The following HBS1L variants were observed in gnomAD, a reference collection of about 807,000 sequenced individuals.
HBS1L encodes HBS1-like protein.
In HBS1L, 55 loss-of-function variants were observed where a neutral mutation model predicts 88.9. That is an observed-to-expected ratio of 0.62 (90% confidence interval 0.50 to 0.77). The LOEUF (loss-of-function observed/expected upper bound fraction) is 0.77. HBS1L is among the 30% of genes least tolerant of loss of function. HBS1L has a pLI of 0.00. For synonymous variants in HBS1L, 267 were observed against 288.5 expected (o/e 0.93, Z 0.76); for missense variants, 741 against 829.3 (o/e 0.89, Z 1.31).
At chr6:134,966,048 C>A (rs941724776) in intron 17 of HBS1L, among the ~76,000 whole-genome samples, 42 of 152,028 alleles carry the variant, frequency 2.8e-4, no homozygotes, top group African/African-American at 8.0e-4. Context: ...TCATTTCTGG[C>A]TGTTTTCTCC....
chr6:135,052,373 G>T (rs1383040597), intron 1 of HBS1L, among the ~76,000 whole-genome samples: 1 of 151,976 alleles, frequency 6.6e-6, no homozygotes, highest in Non-Finnish European at 1.5e-5. Context: ...GAGGAGGGAG[G>T]ATCTCGCTTG....
At chr6:135,038,198 A>C (rs1168634621) in intron 4 of HBS1L, among the ~76,000 whole-genome samples, 1 of 152,184 alleles carries the variant, frequency 6.6e-6, no homozygotes, top group Non-Finnish European at 1.5e-5. Context: ...TACTCTAAAA[A>C]ACAATAAGGG....
intron 4 of HBS1L, among the ~76,000 whole-genome samples, chr6:135,010,727 G>A (rs1309434576): frequency 6.6e-6 from 1 of 152,030 alleles, no homozygotes; most frequent in Admixed American, 6.6e-5. Context: ...ACTATTTTGG[G>A]GGGGAAAATG....
intron 4 of HBS1L, among the ~76,000 whole-genome samples, chr6:135,034,409 C>T (rs1454250701): frequency 6.6e-6 from 1 of 152,112 alleles, no homozygotes; most frequent in Non-Finnish European, 1.5e-5. Context: ...TTCGGGAGGC[C>T]GAGGTGGGCG....
chr6:134,997,055 G>C, intron 6 of HBS1L, 113 bp from the exon 7 acceptor site: 1 of 777,162 alleles, frequency 1.3e-6, no homozygotes, highest in Admixed American at 2.5e-5. Context: ...AGTAATACCA[G>C]TATTTATCAA....
At chr6:135,028,083 G>A (rs1233056276) in intron 4 of HBS1L, among the ~76,000 whole-genome samples, 1 of 151,812 alleles carries the variant, frequency 6.6e-6, no homozygotes, top group South Asian at 2.1e-4. Context: ...CTTTTAAGAT[G>A]AATTAAAAAT....
In HBS1L at chr6:135,043,219, AC is replaced by A. The variant is rs1343513215; in HGVS notation, c.110-1094del. On this transcript the variant is annotated intron_variant, in intron 2 of 17. Transcript: ENST00000367837. ...ATGGCCACTGAACTGAATCCTGGAC[AC>A]TGTGTTCAATTGTAAAGGAACAAAA... is the stretch of plus-strand genomic sequence containing the variant. Among the ~76,000 whole-genome samples the A allele has an allele frequency of 2.6e-5, 4 of 152,246 alleles. No homozygotes were observed. The East Asian group carries it at 7.7e-4, about 29-fold the overall frequency.
intron 8 of HBS1L, among the ~76,000 whole-genome samples, chr6:134,990,252 G>T (rs1307282299): frequency 6.6e-6 from 1 of 152,118 alleles, no homozygotes; most frequent in Non-Finnish European, 1.5e-5. Context: ...GAGTCCAAAT[G>T]CCTACTACGC....
At chr6:135,003,040 T>C (rs1032211123) in intron 4 of HBS1L, among the ~76,000 whole-genome samples, 198 bp from the exon 5 acceptor site, 2 of 152,220 alleles carry the variant, frequency 1.3e-5, no homozygotes, top group Admixed American at 6.5e-5. Flanking sequence ...AAATCCCCTA[T>C]TGTCAGGACT....
chr6:135,050,523 C>G (rs963755246), intron 2 of HBS1L, 59 bp downstream of exon 2: 11 of 1,143,524 alleles, frequency 9.6e-6, no homozygotes, highest in South Asian at 4.1e-5. Flanking sequence ...CCTTGAACGA[C>G]TAACATTTAC....
Position 135,050,718 on chromosome 6 carries a change from C to A in HBS1L, c.44-71G>T, listed in dbSNP as rs1777055642. 81 of 885,904 alleles carry A rather than the reference C, an allele frequency of 9.1e-5. 1 individual carries two copies. In the South Asian group the frequency reaches 1.3e-3, roughly 14 times the overall value. 54.9% of individuals were successfully genotyped at this position (885,904 alleles called of 1,614,324 possible). The stretch of plus-strand genomic sequence containing the variant: ...ATATTCTTAGTTACTAGTGAGGAAG[C>A]ATCTGAATCCTCTCCAAAATAAACT... On this transcript the variant is annotated intron_variant, in intron 1 of 17. Coordinates refer to ENST00000367837, the MANE Select transcript of HBS1L (RefSeq NM_006620.4).
intron 4 of HBS1L, among the ~76,000 whole-genome samples, chr6:135,016,662 TC>T (rs1562298308): frequency 6.6e-6 from 1 of 152,212 alleles, no homozygotes; most frequent in Non-Finnish European, 1.5e-5. Flanking sequence ...TTGCATATTC[TC>T]ATGTAGCATA....
At chr6:134,979,429 C>T (rs756591207) in intron 13 of HBS1L, 161 bp from the exon 14 acceptor site, 18 of 600,536 alleles carry the variant, frequency 3.0e-5, no homozygotes, top group Admixed American at 4.9e-5. Context: ...TTGAGGAAAA[C>T]ACACTTCCTC....
chr6:135,040,720 G>A (rs150330601), intron 3 of HBS1L, among the ~76,000 whole-genome samples: 353 of 152,176 alleles, frequency 2.3e-3, no homozygotes, highest in African/African-American at 8.0e-3. Context: ...TTAATTTTCT[G>A]ATGACATTAG....
chr6:134,979,256 T>C lies in HBS1L; in HGVS notation c.1610A>G (p.His537Arg), dbSNP rs1487915697. ...TGCCGCCCAGTCGACAGGTTCATCA[T>C]GCAGAGTGATTCCTGGAAATGAGTA... ...ETCTVKGITL[H>R]DEPVDWAAAG... The change falls in exon 14 of 18, where the codon CAT becomes CGT. Residue 537 changes from histidine to arginine, a missense_variant. Physicochemically the swap from His to Arg is conservative, Grantham distance 29. This residue lies in a region of HBS1L where 181 missense variants were observed against 212.7 expected (regional missense o/e 0.85). Transcript: ENST00000367837. 2 of 1,611,646 alleles carry C rather than the reference T, an allele frequency of 1.2e-6. No homozygotes were observed. The highest frequency in any genetic ancestry group is 1.7e-6 in the Non-Finnish European group (2 of 1,178,246).
chr6:134,995,345 G>C, intron 7 of HBS1L, among the ~76,000 whole-genome samples: 1 of 151,988 alleles, frequency 6.6e-6, no homozygotes, highest in Non-Finnish European at 1.5e-5. Context: ...ACATACGGTG[G>C]TGAGCTAAAA....
chr6:135,039,162 CA>C (rs1013270490), intron 4 of HBS1L, among the ~76,000 whole-genome samples: 4 of 149,606 alleles, frequency 2.7e-5, no homozygotes, highest in Non-Finnish European at 3.0e-5. Flanking sequence ...AAAATACAAA[CA>C]AAAAAAAAAG....
At position 135,002,822 on chromosome 6, in the gene HBS1L, T is replaced by C. The variant is rs774902994; in HGVS notation, c.451A>G (p.Thr151Ala). Residue 151 changes from threonine to alanine, a missense_variant, in exon 5 of 18, where the codon ACA becomes GCA. Physicochemically the swap from Thr to Ala is moderately conservative, Grantham distance 58. Around this residue, in one of 3 missense-constraint regions of HBS1L, gnomAD observed 556 missense variants for 598.4 expected, o/e 0.93. Coordinates refer to ENST00000367837, the MANE Select transcript of HBS1L (RefSeq NM_006620.4). ...ACAATTTCAGATTCACTTCGCGATG[T>C]CTGGGAATCTACTGGTTTTCCTAGT... ...IAKGKPVDSQ[T>A]SRSESEIVPK... 11 of 1,612,240 alleles carry C rather than the reference T, an allele frequency of 6.8e-6. No homozygotes were observed. The East Asian group carries it at 2.0e-4, about 29-fold the overall frequency.
intron 2 of HBS1L, among the ~76,000 whole-genome samples, chr6:135,044,398 AG>A (rs2114915954): frequency 6.6e-6 from 1 of 152,328 alleles, no homozygotes; most frequent in South Asian, 2.1e-4. Context: ...ATGTATGTGT[AG>A]GGATACATAT....
Sources: allele counts gnomAD v4.1 joint callset (sites outside exome capture counted in the v4.1 genomes callset), GRCh38; gene constraint gnomAD v4.1.1; regional missense constraint gnomAD v4.1.1; transcripts MANE v1.5; gene names NCBI Gene and HGNC (gene_info 2026-07-23, HGNC 2026-07-21).